Variants in C8orf74 observed in about 807,000 individuals in gnomAD.
C8orf74 encodes the protein uncharacterized protein C8orf74.
C8orf74 carries 29 observed loss-of-function variants against 22.2 expected under a neutral mutation model. The ratio of observed to expected loss-of-function variants is 1.31; its 90% confidence interval spans 0.97 to 1.78. The LOEUF is 1.78. C8orf74 is among the 40% of genes most tolerant of loss of function. The pLI is 0.00. For synonymous variants in C8orf74, 255 were observed against 163.1 expected (o/e 1.56, Z -4.30); for missense variants, 515 against 369.9 (o/e 1.39, Z -3.22).
At chr8:10,682,617 T>A (rs969069021) in intron 2 of C8orf74, among the ~76,000 whole-genome samples, 5 of 152,174 alleles carry the variant, frequency 3.3e-5, no homozygotes, top group African/African-American at 1.2e-4. Context: ...CCTAATGATC[T>A]CATTGGACCC....
At chr8:10,688,938 C>T (rs912062155) in intron 2 of C8orf74, 1 of 152,232 alleles carries the variant, frequency 6.6e-6, no homozygotes, top group African/African-American at 2.4e-5. Flanking sequence ...CAGGGCTCTT[C>T]CTGACAATCC....
At chr8:10,678,190 G>A (rs747863678) in intron 2 of C8orf74, among the ~76,000 whole-genome samples, 1 of 152,154 alleles carries the variant, frequency 6.6e-6, no homozygotes, top group Non-Finnish European at 1.5e-5. Flanking sequence ...GGTCTTACCT[G>A]GCCCTTTACT....
intron 2 of C8orf74, among the ~76,000 whole-genome samples, chr8:10,681,262 G>A (rs1799141909): frequency 6.6e-6 from 1 of 152,142 alleles, no homozygotes; most frequent in South Asian, 2.1e-4. Flanking sequence ...CAGGCCAGAA[G>A]AAGGAGTCCT....
intron 2 of C8orf74, among the ~76,000 whole-genome samples, chr8:10,696,640 G>T (rs1799507718): frequency 6.6e-6 from 1 of 151,604 alleles, no homozygotes; most frequent in Non-Finnish European, 1.5e-5. Context: ...TAGAGACGGG[G>T]TTTTGCCATG....
At chr8:10,674,167 C>CATATCACACCCTGCAGCCCA (rs1798975878) in intron 1 of C8orf74, among the ~76,000 whole-genome samples, 1 of 124,312 alleles carries the variant, frequency 8.0e-6, no homozygotes, top group Non-Finnish European at 1.7e-5. Flanking sequence ...CCTGCAGCCC[C>CATATCACACCCTGCAGCCCA]CATATCACAG....
intron 2 of C8orf74, 83 bp from the exon 3 acceptor site, chr8:10,697,516 G>C (rs1282256557): frequency 9.9e-6 from 12 of 1,210,082 alleles, no homozygotes; most frequent in Non-Finnish European, 1.4e-5. Context: ...TGACCAGGCT[G>C]TCGGGGTGCA....
intron 2 of C8orf74, among the ~76,000 whole-genome samples, chr8:10,683,645 G>A (rs1276800658): frequency 2.6e-5 from 4 of 152,190 alleles, no homozygotes; most frequent in African/African-American, 9.7e-5. Flanking sequence ...CACTGGCAGT[G>A]CCCCAGCTGT....
At chr8:10,685,147 C>T (rs1260807177) in intron 2 of C8orf74, among the ~76,000 whole-genome samples, 1 of 152,156 alleles carries the variant, frequency 6.6e-6, no homozygotes, top group Non-Finnish European at 1.5e-5. Flanking sequence ...TTACTAAAAC[C>T]AAGGAAACTG....
intron 2 of C8orf74, among the ~76,000 whole-genome samples, chr8:10,696,228 AG>A (rs2129058902): frequency 6.6e-6 from 1 of 152,008 alleles, no homozygotes; most frequent in African/African-American, 2.4e-5. Context: ...CGTGAGCAGG[AG>A]GAGTGAAGGG....
chr8:10,690,545 T>A (rs958945488), intron 2 of C8orf74, among the ~76,000 whole-genome samples: 1 of 152,140 alleles, frequency 6.6e-6, no homozygotes, highest in Non-Finnish European at 1.5e-5. Flanking sequence ...TGCCACGCTG[T>A]AGCCTGACTT....
In C8orf74 at chr8:10,697,942, C is replaced by CTCGCTGCAGAAGGCGT; in HGVS notation, c.593_608dup (p.Ala204GlufsTer121). 1 of 1,578,504 alleles carries CTCGCTGCAGAAGGCGT rather than the reference C, an allele frequency of 6.3e-7. No individual in the cohort carries two copies. The highest frequency in any genetic ancestry group is 8.6e-7 in the Non-Finnish European group (1 of 1,163,392). On this transcript the variant is annotated frameshift_variant, in exon 3 of 4. Coordinates refer to ENST00000304519, the MANE Select transcript of C8orf74 (RefSeq NM_001040032.2). LOFTEE classifies it high-confidence loss of function. ...AGGCGCTGCGCCTGGAGCGGGAGAA[C>CTCGCTGCAGAAGGCGT]TCGCTGCAGAAGGCGTTCGCTGCCG...
intron 2 of C8orf74, among the ~76,000 whole-genome samples, chr8:10,684,512 A>T (rs1799220241): frequency 6.6e-6 from 1 of 152,212 alleles, no homozygotes; most frequent in Non-Finnish European, 1.5e-5. Context: ...TTAAAAGAAC[A>T]ATGAAATATT....
intron 2 of C8orf74, chr8:10,689,056 A>T (rs1054038284): frequency 2.0e-5 from 3 of 152,374 alleles, no homozygotes; most frequent in African/African-American, 7.2e-5. Flanking sequence ...CCCTGGGCAG[A>T]CAGTGCCCCA....
intron 2 of C8orf74, chr8:10,687,239 G>A (rs190978907): frequency 6.1e-5 from 24 of 393,744 alleles, no homozygotes; most frequent in South Asian, 3.6e-4. Context: ...CTAATCTCAC[G>A]AGGTAGAGAT....
intron 2 of C8orf74, among the ~76,000 whole-genome samples, chr8:10,677,971 T>C (rs2129056347): frequency 6.6e-6 from 1 of 152,346 alleles, no homozygotes; most frequent in East Asian, 1.9e-4. Context: ...CTGGCCTTCC[T>C]TTCCTTCCTC....
chr8:10,682,459 C>T (rs1057181402), intron 2 of C8orf74, among the ~76,000 whole-genome samples: 1 of 152,158 alleles, frequency 6.6e-6, no homozygotes, highest in African/African-American at 2.4e-5. Context: ...TCGTTTCTCC[C>T]GAAGCCTCTC....
At chr8:10,680,171 C>T (rs565485170) in intron 2 of C8orf74, among the ~76,000 whole-genome samples, 53 of 152,360 alleles carry the variant, frequency 3.5e-4, no homozygotes, top group African/African-American at 1.2e-3. Context: ...GCTCCTTCCA[C>T]ACTGCAAGCA....
At chr8:10,680,856 C>T (rs996095844) in intron 2 of C8orf74, among the ~76,000 whole-genome samples, 2 of 152,208 alleles carry the variant, frequency 1.3e-5, no homozygotes, top group East Asian at 3.8e-4. Context: ...TTGCATCCCA[C>T]CCTGTCCGCC....
chr8:10,698,747 G>C (rs763881073), intron 3 of C8orf74, among the ~76,000 whole-genome samples: 1 of 152,090 alleles, frequency 6.6e-6, no homozygotes, highest in Non-Finnish European at 1.5e-5. Context: ...TGAGAGACAA[G>C]TATTTGCATG....
Sources: allele counts gnomAD v4.1 joint callset (sites outside exome capture counted in the v4.1 genomes callset), GRCh38; gene constraint gnomAD v4.1.1; transcripts MANE v1.5; gene names NCBI Gene and HGNC (gene_info 2026-07-23, HGNC 2026-07-21).